RHOU: variants seen among roughly 807,000 people sequenced by gnomAD.
The protein encoded by RHOU is rho-related GTP-binding protein RhoU.
RHOU carries 8 observed loss-of-function variants against 12.6 expected under a neutral mutation model. The ratio of observed to expected loss-of-function variants is 0.64; its 90% CI spans 0.37 to 1.15. The LOEUF (loss-of-function observed/expected upper bound fraction) is 1.15, where lower values mean the gene tolerates loss of function less well. Ranked by LOEUF, RHOU falls within the 50% of genes most tolerant of loss-of-function variation. The pLI is 0.01. For missense variants in RHOU, 258 were observed against 347.0 expected (o/e 0.74, Z 2.04); for synonymous variants, 161 against 147.4 (o/e 1.09, Z -0.67).
chr1:228,658,126 A>G, the RHOU span, among the ~76,000 whole-genome samples: 1 of 151,914 alleles, frequency 6.6e-6, no homozygotes, highest in African/African-American at 2.4e-5. Context: ...CAAAAAATAC[A>G]AAAATTAGGT....
chr1:228,741,588 T>C (rs1187029910), intron 2 of RHOU, among the ~76,000 whole-genome samples: 1 of 152,196 alleles, frequency 6.6e-6, no homozygotes, highest in African/African-American at 2.4e-5. Flanking sequence ...TCTTCATGAC[T>C]GAGCCATAGT....
the RHOU span, among the ~76,000 whole-genome samples, chr1:228,647,149 G>GC: frequency 6.7e-6 from 1 of 149,844 alleles, no homozygotes; most frequent in Admixed American, 6.6e-5. Context: ...TTTGAGCTGT[G>GC]CCTGAGCAGG....
chr1:228,676,545 C>G, the RHOU span, among the ~76,000 whole-genome samples: 1 of 152,122 alleles, frequency 6.6e-6, no homozygotes, highest in East Asian at 1.9e-4. Context: ...TGGACTCTAT[C>G]TCTCTCTATA....
chr1:228,667,482 G>A, the RHOU span, among the ~76,000 whole-genome samples: 1 of 152,146 alleles, frequency 6.6e-6, no homozygotes, highest in Non-Finnish European at 1.5e-5. Flanking sequence ...TTGCATCCAC[G>A]CCAGAAGCAG....
chr1:228,662,632 G>A, the RHOU span, among the ~76,000 whole-genome samples: 4 of 144,600 alleles, frequency 2.8e-5, no homozygotes, highest in Non-Finnish European at 6.0e-5. Context: ...ACTGAACAAT[G>A]AGAACAGTTG....
chr1:228,735,849 CGG>C lies in RHOU; in HGVS notation c.112_113del (p.Gly38ProfsTer65). Reference sequence around the variant, plus strand: ...CGCGGGGGACGCGGGCCTGGGGAGCCGGGGGGCCGGGGGCGTGCGGGGGGTGC... The same window carrying C: ...CGCGGGGGACGCGGGCCTGGGGAGCCGGGGCCGGGGGCGTGCGGGGGGTGC... On this transcript the variant is annotated frameshift_variant, in exon 1 of 3. Coordinates refer to ENST00000366691, the MANE Select transcript of RHOU (RefSeq NM_021205.6). LOFTEE classifies it high-confidence loss of function. The surrounding 1 kb of genome is among the most constrained non-coding windows in gnomAD (Gnocchi z 8.1). 1 of 1,273,006 alleles carries C rather than the reference CGG, an allele frequency of 7.9e-7. No homozygotes were observed. 78.9% of individuals were successfully genotyped at this position (1,273,006 alleles called of 1,614,324 possible).
chr1:228,707,567 G>A, the RHOU span, among the ~76,000 whole-genome samples: 12 of 151,892 alleles, frequency 7.9e-5, no homozygotes, highest in Admixed American at 2.0e-4. Context: ...TCACACGGCC[G>A]GGTACTCCAG....
chr1:228,707,253 ATAGTGTGTGTGTGT>A, the RHOU span, among the ~76,000 whole-genome samples: 670 of 77,062 alleles, frequency 8.7e-3, 4 homozygotes, highest in African/African-American at 0.036. Context: ...ATATATATAT[ATAGTGTGTGTGTGT>A]GTGTGTGTGT....
chr1:228,663,726 G>A, the RHOU span, among the ~76,000 whole-genome samples: 18 of 134,566 alleles, frequency 1.3e-4, 1 homozygote, highest in East Asian at 3.8e-3. Context: ...TCCGCCTCCC[G>A]AGATCAAGCG....
the RHOU span, among the ~76,000 whole-genome samples, chr1:228,683,225 A>C: frequency 2.0e-5 from 3 of 152,184 alleles, no homozygotes; most frequent in Admixed American, 6.5e-5. Context: ...TCATGGTTTG[A>C]AGGAGGCATT....
At chr1:228,664,698 A>G in the RHOU span, among the ~76,000 whole-genome samples, 1 of 152,034 alleles carries the variant, frequency 6.6e-6, no homozygotes, top group Non-Finnish European at 1.5e-5. Context: ...CAATGGCGCA[A>G]TCTCAGCTCA....
At chr1:228,678,932 C>A in the RHOU span, among the ~76,000 whole-genome samples, 1 of 152,122 alleles carries the variant, frequency 6.6e-6, no homozygotes, top group Non-Finnish European at 1.5e-5. Context: ...GTTATTTGGA[C>A]AGAAAGGCTA....
chr1:228,670,368 A>G, the RHOU span, among the ~76,000 whole-genome samples: 24,277 of 152,208 alleles, frequency 0.16, 2,235 homozygotes, highest in African/African-American at 0.26. Flanking sequence ...CAGAGCACTA[A>G]TAATTAAGGA....
At chr1:228,715,832 ATT>A in the RHOU span, among the ~76,000 whole-genome samples, 6 of 148,468 alleles carry the variant, frequency 4.0e-5, no homozygotes, top group Non-Finnish European at 8.9e-5. Flanking sequence ...ATTGTGGTGG[ATT>A]TTTTTTTGCA....
rs1662806288 is a variant in RHOU at position 228,745,331 on chromosome 1, G to A, written c.*1591G>A. ...CGGTGGGTGACCCAGAGCCACCAAA[G>A]TCACATCCACAACTAATGAGGGAAA... On this transcript the variant is annotated 3_prime_UTR_variant, in exon 3 of 3. Coordinates refer to ENST00000366691, the MANE Select transcript of RHOU (RefSeq NM_021205.6). The A allele has an allele frequency of 6.6e-6, 1 of 152,198 alleles. No individual in the cohort carries two copies. Among genetic ancestry groups the A allele is most frequent in the Non-Finnish European group, 1.5e-5 (1 of 68,034 alleles). The allele number at this position is 152,198 out of a possible 1,614,324, so 9.4% of individuals were successfully genotyped here.
the RHOU span, among the ~76,000 whole-genome samples, chr1:228,674,346 C>CTTTTTT: frequency 7.4e-6 from 1 of 135,970 alleles, no homozygotes; most frequent in Non-Finnish European, 1.6e-5. Flanking sequence ...TGTTTAGTAC[C>CTTTTTT]TTTTTTTTTT....
intron 2 of RHOU, among the ~76,000 whole-genome samples, chr1:228,741,497 G>A (rs1662719991): frequency 6.6e-6 from 1 of 152,060 alleles, no homozygotes; most frequent in Admixed American, 6.6e-5. Context: ...CTACCTGAGG[G>A]GGCTGCCTTA....
chr1:228,688,399 C>G, the RHOU span, among the ~76,000 whole-genome samples: 1 of 152,298 alleles, frequency 6.6e-6, no homozygotes, highest in East Asian at 1.9e-4. Flanking sequence ...AGTTGGCAGC[C>G]TATGGACTGA....
chr1:228,709,535 T>C, the RHOU span, among the ~76,000 whole-genome samples: 1 of 149,322 alleles, frequency 6.7e-6, no homozygotes, highest in Non-Finnish European at 1.5e-5. Flanking sequence ...ACATGGAAAC[T>C]GAACAACCTG....
Sources: allele counts gnomAD v4.1 joint callset (sites outside exome capture counted in the v4.1 genomes callset), GRCh38; gene constraint gnomAD v4.1.1; non-coding constraint Gnocchi (gnomAD v3.1); transcripts MANE v1.5; gene names NCBI Gene and HGNC (gene_info 2026-07-23, HGNC 2026-07-21).